LRRN2: variants seen among roughly 807,000 people sequenced by gnomAD.
The protein encoded by LRRN2 is leucine-rich repeat neuronal protein 2.
A neutral mutation model predicts 35.7 loss-of-function variants in LRRN2; 10 were observed. The observed-to-expected ratio is 0.28, with a 90% CI of 0.17 to 0.47. LRRN2 has a LOEUF of 0.47. Ranked by LOEUF, LRRN2 falls within the 20% of genes least tolerant of loss-of-function variation. LRRN2 has a pLI of 0.99. For synonymous variants in LRRN2, 391 were observed against 409.6 expected (o/e 0.95, Z 0.55); for missense variants, 731 against 940.3 (o/e 0.78, Z 2.91).
In LRRN2 at chr1:204,617,604, T is replaced by A; in HGVS notation, c.*247A>T. ...GGGAGGCAGGAGGCTCTAGCCAAAG[T>A]CCCTCCTGTTCCTTGGAGATGTTCC... On this transcript the variant is annotated 3_prime_UTR_variant, in exon 2 of 2. Transcript: ENST00000367177. The A allele has an allele frequency of 2.0e-6, 1 of 512,572 alleles. No homozygotes were observed. The highest frequency in any genetic ancestry group is 3.5e-6 in the Non-Finnish European group (1 of 286,954). 31.8% of individuals were successfully genotyped at this position (512,572 alleles called of 1,614,324 possible). A position where few individuals can be genotyped will look rare whatever the true frequency, so the allele number is the denominator to read the frequency against.
chr1:204,670,592 G>A (rs1172691484), intron 1 of LRRN2, among the ~76,000 whole-genome samples: 10 of 152,072 alleles, frequency 6.6e-5, no homozygotes, highest in Non-Finnish European at 1.3e-4. Context: ...AATCAGAAGA[G>A]AATACCTTGA....
At chr1:204,668,276 A>G (rs1309104465) in intron 1 of LRRN2, among the ~76,000 whole-genome samples, 1 of 152,122 alleles carries the variant, frequency 6.6e-6, no homozygotes, top group African/African-American at 2.4e-5. Context: ...TCTTTTCTAT[A>G]AAGCGTGGAT....
At chr1:204,647,863 A>G (rs1457493882) in intron 1 of LRRN2, among the ~76,000 whole-genome samples, 1 of 152,248 alleles carries the variant, frequency 6.6e-6, no homozygotes, top group Non-Finnish European at 1.5e-5. Flanking sequence ...AAGATTTAAT[A>G]TGAAAAAAGA....
rs1309983943 is a variant in LRRN2, at chr1:204,618,198, C to T, written c.1795G>A (p.Val599Met). 2 of 1,614,050 alleles carry T rather than the reference C, an allele frequency of 1.2e-6. No individual in the cohort carries two copies. Among genetic ancestry groups the T allele is most frequent in the Non-Finnish European group, 8.5e-7 (1 of 1,180,026 alleles). The change falls in exon 2 of 2, where the codon GTG (valine) becomes ATG (methionine). Residue 599 changes from valine (V) to methionine (M), a missense_variant. Physicochemically the swap from Val to Met is conservative, Grantham distance 21. This residue lies in a region of LRRN2 where 229 missense variants were observed against 258.4 expected (regional missense o/e 0.89). Transcript: ENST00000367177. ...QATEYWACLQ[V>M]AFADAHTQLA... ...TGGGTGTGGGCATCAGCAAAGGCCA[C>T]TTGCAGGCAGGCCCAGTACTCCGTG...
Position 204,618,984 on chromosome 1 carries a change from T to C in LRRN2, c.1009A>G (p.Met337Val). 6.2e-7 allele frequency: 1 copy of C among 1,613,270 alleles called. No individual in the cohort carries two copies. Among genetic ancestry groups the C allele is most frequent in the Non-Finnish European group, 8.5e-7 (1 of 1,179,330 alleles). The stretch of plus-strand genomic sequence containing the variant: ...TTGTTGTTGAGCATGAGGGTCTCCA[T>C]CTGGGGCAGGTGGTGGAAGGCGCGG... ...HPRAFHHLPQ[M>V]ETLMLNNNAL... Residue 337 changes from methionine to valine, a missense_variant, in exon 2 of 2, where the codon ATG becomes GTG. Physicochemically the swap from Met to Val is conservative, Grantham distance 21 (BLOSUM62 1). Coordinates refer to ENST00000367177, the MANE Select transcript of LRRN2 (RefSeq NM_201630.2).
intron 1 of LRRN2, chr1:204,622,174 G>A (rs941796214): frequency 6.0e-6 from 1 of 167,204 alleles, no homozygotes; most frequent in East Asian, 1.9e-4. Context: ...GGGATGCACT[G>A]AATGCTGCAG....
rs929535856 is a variant in LRRN2, at chr1:204,672,607, G to T, written c.-227+12713C>A. Among the ~76,000 whole-genome samples, 15 of 152,212 alleles carry T rather than the reference G, an allele frequency of 9.9e-5. 1 individual carries two copies. The highest frequency in any genetic ancestry group is 8.5e-4 in the Admixed American group (13 of 15,284). On this transcript the variant is annotated intron_variant, in intron 1 of 1. Transcript: ENST00000367177. ...GGAGGAGGCTGCATGGAGGCTGATA[G>T]AAGAACAGACAGACTCCTGCTGCAG...
At chr1:204,684,365 G>A (rs1359086560) in intron 1 of LRRN2, among the ~76,000 whole-genome samples, 2 of 152,176 alleles carry the variant, frequency 1.3e-5, no homozygotes, top group African/African-American at 4.8e-5. Flanking sequence ...GGCAGCCTGA[G>A]GAACAGAGCA....
At chr1:204,681,340 CAATAAT>C (rs755753848) in intron 1 of LRRN2, among the ~76,000 whole-genome samples, 2 of 152,124 alleles carry the variant, frequency 1.3e-5, no homozygotes, top group South Asian at 2.1e-4. Flanking sequence ...ATAATAATAA[CAATAAT>C]AATATTACTT....
rs149594162 is a variant in LRRN2 at position 204,619,601 on chromosome 1, C to T, written c.392G>A (p.Arg131Gln). The change falls in exon 2 of 2, where the codon CGG becomes CAG. Residue 131 changes from arginine to glutamine, a missense_variant. Around this residue, in one of 3 missense-constraint regions of LRRN2, gnomAD observed 246 missense variants for 289.5 expected, o/e 0.85. Transcript: ENST00000367177. ...CCCTGCAAAGCTGTGGTCCTCCAGC[C>T]GGGTCAGCTGGTTCTCCTCTAGGTG... The part of the protein sequence containing the change: ...SLHLEENQLT[R>Q]LEDHSFAGLA... 1.8e-4 allele frequency: 286 copies of T among 1,614,048 alleles called. No individual in the cohort carries two copies. Among genetic ancestry groups the T allele is most frequent in the Non-Finnish European group, 2.3e-4 (272 of 1,180,036 alleles).
intron 1 of LRRN2, among the ~76,000 whole-genome samples, chr1:204,625,488 C>T (rs917130636): frequency 5.4e-5 from 8 of 147,364 alleles, no homozygotes; most frequent in South Asian, 2.2e-4. Flanking sequence ...AACATATGTA[C>T]GGGAGAATAC....
rs11801764 is a variant in LRRN2, at chr1:204,641,055, T to C, written c.-226-20837A>G. Among the ~76,000 whole-genome samples, 125 of 148,244 alleles carry C rather than the reference T, an allele frequency of 8.4e-4. 1 individual carries two copies. Among genetic ancestry groups the C allele is most frequent in the African/African-American group, 2.8e-3 (115 of 40,580 alleles). On this transcript the variant is annotated intron_variant, in intron 1 of 1. Coordinates refer to ENST00000367177, the MANE Select transcript of LRRN2 (RefSeq NM_201630.2). ...TGACAAATAGAGCCAGGGAAGGCCA[T>C]GAAGAGAGGGTTCTCATGCCTGGAT... is the stretch of plus-strand genomic sequence containing the variant.
intron 1 of LRRN2, chr1:204,626,863 G>C (rs1667417361): frequency 1.3e-5 from 2 of 152,220 alleles, no homozygotes; most frequent in Admixed American, 1.3e-4. Context: ...TATGCGGCCA[G>C]ACTAAGCATT....
rs1285210348 is a variant in LRRN2, at chr1:204,657,339, T to TACACACACACAC, written c.-227+27980_-227+27981insGTGTGTGTGTGT. On this transcript the variant is annotated intron_variant, in intron 1 of 1. Coordinates refer to ENST00000367177, the MANE Select transcript of LRRN2 (RefSeq NM_201630.2). ...ATCTATGTGTCTATATATATGTATA[T>TACACACACACAC]ATACACACACACACACACACACACA... 6.8e-3 allele frequency among the ~76,000 whole-genome samples: 849 copies of TACACACACACAC among 124,258 alleles called. 1 individual carries two copies. Among genetic ancestry groups the TACACACACACAC allele is most frequent in the African/African-American group, 0.024 (777 of 32,936 alleles). The allele number at this position is 124,258 out of a possible 152,430, so 81.5% of individuals were successfully genotyped here. A position where few individuals can be genotyped will look rare whatever the true frequency, so the allele number is the denominator to read the frequency against.
At chr1:204,622,165 G>T in intron 1 of LRRN2, 1 of 167,352 alleles carries the variant, frequency 6.0e-6, no homozygotes. Context: ...GGAGGGTCTG[G>T]GATGCACTGA....
In LRRN2 at chr1:204,618,560, G is replaced by C. The variant is rs755975868; in HGVS notation, c.1433C>G (p.Pro478Arg). 3.7e-5 allele frequency: 60 copies of C among 1,613,958 alleles called. No homozygotes were observed. The highest frequency in any genetic ancestry group is 5.3e-5 in the African/African-American group (4 of 74,950). Residue 478 changes from proline (P) to arginine (R), a missense_variant, in exon 2 of 2, where the codon CCC (proline) becomes CGC (arginine). By Grantham distance (103) the Pro-to-Arg change is moderately radical (BLOSUM62 -2). This residue lies in a region of LRRN2 where 256 missense variants were observed against 392.4 expected (regional missense o/e 0.65). Coordinates refer to ENST00000367177, the MANE Select transcript of LRRN2 (RefSeq NM_201630.2). Reference sequence around the variant, plus strand: ...CCTCCGCAGCTCCAGGGTCCCCTCGGGGTACACCCGGTACCTCCTGCCTGC... The same window carrying C: ...CCTCCGCAGCTCCAGGGTCCCCTCGCGGTACACCCGGTACCTCCTGCCTGC... Reference protein sequence around the residue: ...AHAGRRYRVYPEGTLELRRVT... With the variant: ...AHAGRRYRVYREGTLELRRVT...
intron 1 of LRRN2, among the ~76,000 whole-genome samples, chr1:204,672,739 T>C (rs891803540): frequency 6.6e-6 from 1 of 152,120 alleles, no homozygotes; most frequent in Admixed American, 6.5e-5. Flanking sequence ...TCTGCTCAGA[T>C]GCCCAGGTGA....
chr1:204,629,869 C>T (rs1667635464), intron 1 of LRRN2, among the ~76,000 whole-genome samples: 1 of 152,110 alleles, frequency 6.6e-6, no homozygotes, highest in South Asian at 2.1e-4. Flanking sequence ...AAACCAAATA[C>T]CACATCTTCT....
intron 1 of LRRN2, among the ~76,000 whole-genome samples, chr1:204,675,787 A>C (rs1377411828): frequency 6.6e-6 from 1 of 152,244 alleles, no homozygotes; most frequent in African/African-American, 2.4e-5. Flanking sequence ...AAAATGGATT[A>C]ACTTCTGTAA....
Sources: allele counts gnomAD v4.1 joint callset (sites outside exome capture counted in the v4.1 genomes callset), GRCh38; gene constraint gnomAD v4.1.1; regional missense constraint gnomAD v4.1.1; transcripts MANE v1.5; gene names NCBI Gene and HGNC (gene_info 2026-07-23, HGNC 2026-07-21).